ITPR2: variants seen among roughly 807,000 people sequenced by gnomAD.
ITPR2 encodes inositol 1,4,5-trisphosphate-gated calcium channel ITPR2.
A neutral mutation model predicts 317.1 loss-of-function variants in ITPR2; 207 were observed. The ratio of observed to expected loss-of-function variants is 0.65; its 90% confidence interval spans 0.58 to 0.73. ITPR2 has a LOEUF of 0.73. Among genes scored for constraint, ITPR2 ranks in the 30% least tolerant of loss-of-function variants. The pLI, the probability that ITPR2 is intolerant of heterozygous loss-of-function variation, is 0.00. For synonymous variants in ITPR2, 1,156 were observed against 1,149.1 expected (o/e 1.01, Z -0.12); for missense variants, 2,613 against 3,284.0 (o/e 0.80, Z 4.99).
chr12:26,639,790 G>A (rs1170644602), intron 21 of ITPR2, among the ~76,000 whole-genome samples: 8 of 151,878 alleles, frequency 5.3e-5, no homozygotes, highest in Non-Finnish European at 1.2e-4. Context: ...TCCCTACAAA[G>A]GACATGAACT....
At chr12:26,589,815 A>T (rs1404091431) in intron 32 of ITPR2, among the ~76,000 whole-genome samples, 1,141 of 34,456 alleles carry the variant, frequency 0.033, 75 homozygotes, top group Middle Eastern at 0.052. Context: ...ATAAAAAATA[A>T]ATAAATAAAT....
chr12:26,578,869 T>G, intron 33 of ITPR2, 36 bp from the exon 34 acceptor site: 2 of 1,578,856 alleles, frequency 1.3e-6, no homozygotes, highest in Non-Finnish European at 1.7e-6. Context: ...AAAGAGATGC[T>G]AAACCATTAA....
At chr12:26,763,418 T>A (rs538118237) in intron 2 of ITPR2, among the ~76,000 whole-genome samples, 11 of 152,074 alleles carry the variant, frequency 7.2e-5, no homozygotes, top group Admixed American at 7.2e-4. Context: ...CCATCGAAGT[T>A]TATGAATCCA....
chr12:26,578,695 A>G lies in ITPR2; in HGVS notation c.4630+18T>C. 1 of 1,571,194 alleles carries G rather than the reference A, an allele frequency of 6.4e-7. No individual in the cohort carries two copies. Among genetic ancestry groups the G allele is most frequent in the Non-Finnish European group, 8.7e-7 (1 of 1,150,624 alleles). On this transcript the variant is annotated intron_variant, in intron 34 of 56. Coordinates refer to ENST00000381340, the MANE Select transcript of ITPR2 (RefSeq NM_002223.4). ...TTCAAGAAATGTAAAAATAAGTAAA[A>G]CTCAAACTATGACTTACCCACTTCA... is the stretch of plus-strand genomic sequence containing the variant.
At chr12:26,372,363 C>T (rs1198356709) in intron 55 of ITPR2, among the ~76,000 whole-genome samples, 1 of 152,194 alleles carries the variant, frequency 6.6e-6, no homozygotes, top group African/African-American at 2.4e-5. Flanking sequence ...AACACTCATA[C>T]ATATTTTACA....
chr12:26,353,790 T>C (rs1320777004), intron 55 of ITPR2, among the ~76,000 whole-genome samples: 2 of 152,110 alleles, frequency 1.3e-5, no homozygotes, highest in Non-Finnish European at 2.9e-5. Flanking sequence ...TGTAGATGAC[T>C]TATTAGAGGG....
intron 50 of ITPR2, among the ~76,000 whole-genome samples, chr12:26,418,172 TA>T (rs1214405066): frequency 3.3e-5 from 5 of 152,156 alleles, no homozygotes; most frequent in African/African-American, 9.7e-5. Flanking sequence ...GTGTGCTAGA[TA>T]ATAGGGAGGC....
intron 45 of ITPR2, among the ~76,000 whole-genome samples, chr12:26,449,745 G>A (rs1187044264): frequency 1.3e-5 from 2 of 152,092 alleles, no homozygotes; most frequent in East Asian, 1.9e-4. Context: ...AGCCATGGAG[G>A]ATGTGCAATG....
intron 31 of ITPR2, among the ~76,000 whole-genome samples, chr12:26,596,592 A>G (rs1410813899): frequency 6.7e-6 from 1 of 149,944 alleles, no homozygotes; most frequent in Non-Finnish European, 1.5e-5. Context: ...GGCTGCAGTG[A>G]GTCGAAATCT....
At chr12:26,759,017 G>A (rs2137120889) in intron 2 of ITPR2, among the ~76,000 whole-genome samples, 1 of 152,258 alleles carries the variant, frequency 6.6e-6, no homozygotes, top group East Asian at 1.9e-4. Context: ...CACCAGGAAA[G>A]CAGAAACAGT....
chr12:26,379,466 T>C (rs1173893294), intron 55 of ITPR2, among the ~76,000 whole-genome samples: 1 of 152,192 alleles, frequency 6.6e-6, no homozygotes, highest in Non-Finnish European at 1.5e-5. Context: ...TGAATCCTCA[T>C]AGCAGCTCTG....
chr12:26,790,064 C>A, intron 2 of ITPR2, 93 bp downstream of exon 2: 1 of 831,606 alleles, frequency 1.2e-6, no homozygotes, highest in Non-Finnish European at 2.0e-6. Flanking sequence ...GAAAGTTTCA[C>A]ATTGAATAAA....
At chr12:26,815,130 G>T (rs1314500943) in intron 1 of ITPR2, among the ~76,000 whole-genome samples, 1 of 152,174 alleles carries the variant, frequency 6.6e-6, no homozygotes, top group Non-Finnish European at 1.5e-5. Flanking sequence ...GTTGAGGTCA[G>T]GAGTTTGAGA....
At chr12:26,517,134 G>C (rs961343357) in intron 37 of ITPR2, among the ~76,000 whole-genome samples, 7 of 151,978 alleles carry the variant, frequency 4.6e-5, no homozygotes, top group African/African-American at 1.4e-4. Flanking sequence ...TTTTAGAAGA[G>C]AAAAATTCTA....
At chr12:26,440,825 C>A (rs574105359) in intron 46 of ITPR2, among the ~76,000 whole-genome samples, 1 of 152,140 alleles carries the variant, frequency 6.6e-6, no homozygotes, top group African/African-American at 2.4e-5. Flanking sequence ...CTCTTCAGTC[C>A]TTTTATGAAA....
intron 45 of ITPR2, 53 bp downstream of exon 45, chr12:26,475,243 A>C (rs1278214842): frequency 1.2e-6 from 2 of 1,602,492 alleles, no homozygotes; most frequent in East Asian, 4.5e-5. Context: ...CCATGGATAC[A>C]AAACACGATT....
chr12:26,772,470 T>TTA (rs5797198), intron 2 of ITPR2, among the ~76,000 whole-genome samples: 64,949 of 97,882 alleles, frequency 0.66, 22,966 homozygotes, highest in East Asian at 0.92. Flanking sequence ...AATACATGTA[T>TTA]TATATATAAT....
At chr12:26,821,653 C>T (rs1056753714) in intron 1 of ITPR2, among the ~76,000 whole-genome samples, 9 of 152,200 alleles carry the variant, frequency 5.9e-5, no homozygotes, top group African/African-American at 2.2e-4. Context: ...ACTTCTAACA[C>T]AGTTTTTCAA....
chr12:26,577,644 G>A (rs1273990781), intron 34 of ITPR2, among the ~76,000 whole-genome samples: 3 of 151,972 alleles, frequency 2.0e-5, no homozygotes, highest in Non-Finnish European at 4.4e-5. Context: ...TAGTCTATTA[G>A]TTCCACTAAT....
Sources: allele counts gnomAD v4.1 joint callset (sites outside exome capture counted in the v4.1 genomes callset), GRCh38; gene constraint gnomAD v4.1.1; transcripts MANE v1.5; gene names NCBI Gene and HGNC (gene_info 2026-07-23, HGNC 2026-07-21).